Variants in BTBD3 observed in about 807,000 individuals in gnomAD.
BTBD3 encodes the protein BTB/POZ domain-containing protein 3.
In BTBD3, 14 loss-of-function variants were observed where a neutral mutation model predicts 41.6. The observed-to-expected ratio is 0.34, with a 90% confidence interval of 0.22 to 0.53. The LOEUF (loss-of-function observed/expected upper bound fraction) is 0.53, where lower values mean the gene tolerates loss of function less well. Among genes scored for constraint, BTBD3 ranks in the 20% least tolerant of loss-of-function variants. BTBD3 has a pLI of 0.95. For synonymous variants in BTBD3, 249 were observed against 233.7 expected (o/e 1.07, Z -0.60); for missense variants, 426 against 654.7 (o/e 0.65, Z 3.81).
rs2056983261 is a variant in BTBD3, at chr20:11,922,895, C to T, written c.798C>T (p.Phe266=). 6.2e-7 allele frequency: 1 copy of T among 1,614,220 alleles called. No homozygotes were observed. The highest frequency in any genetic ancestry group is 2.2e-5 in the East Asian group (1 of 44,880). The part of the protein sequence containing the change: ...LKSEGFCDID[F]QTLESILRRE... ...CTGAGGGATTCTGCGATATTGACTT[C>T]CAGACACTAGAAAGTATTCTCCGTA... The change falls in exon 4 of 4, where the codon TTC becomes TTT. Residue 266 remains phenylalanine, a synonymous_variant. Coordinates refer to ENST00000378226, the MANE Select transcript of BTBD3 (RefSeq NM_014962.4).
upstream of BTBD3, among the ~76,000 whole-genome samples, chr20:11,914,102 G>A (rs1248636813): frequency 6.6e-6 from 1 of 152,320 alleles, no homozygotes; most frequent in Admixed American, 6.5e-5. Flanking sequence ...TTCAGGAAGT[G>A]TAGAAACAAG....
At chr20:11,922,464 T>C (rs1212360017) in intron 3 of BTBD3, among the ~76,000 whole-genome samples, 170 bp from the exon 4 acceptor site, 1 of 152,200 alleles carries the variant, frequency 6.6e-6, no homozygotes, top group Non-Finnish European at 1.5e-5. Context: ...GGTTAAAATA[T>C]TAATAATTTA....
At chr20:11,897,937 C>A (rs191021202) in intron 1 of BTBD3, among the ~76,000 whole-genome samples, 192 of 152,224 alleles carry the variant, frequency 1.3e-3, no homozygotes, top group Middle Eastern at 0.01. Context: ...GTGGGCAGAT[C>A]ACTTGAGGTC....
At chr20:11,899,513 A>G (rs1255629621) in intron 1 of BTBD3, among the ~76,000 whole-genome samples, 3 of 152,170 alleles carry the variant, frequency 2.0e-5, no homozygotes, top group African/African-American at 7.2e-5. Flanking sequence ...ATGGCTCCTC[A>G]TGTCTCAGAC....
chr20:11,921,827 A>C (rs2122325196), intron 3 of BTBD3, among the ~76,000 whole-genome samples: 1 of 152,350 alleles, frequency 6.6e-6, no homozygotes, highest in South Asian at 2.1e-4. Flanking sequence ...CTTAGGTAGA[A>C]GAGAAGCAGA....
In BTBD3 at chr20:11,918,508, C is replaced by G; in HGVS notation, c.233C>G (p.Thr78Ser). ...AAAAAGCCAGCCAACTCCAGCAGCACCAGCGTCCAGCAGTACCACCAGCAG... is the reference window on the plus strand; with the variant it reads ...AAAAAGCCAGCCAACTCCAGCAGCAGCAGCGTCCAGCAGTACCACCAGCAG... ...PRKKPANSSS[T>S]SVQQYHQQNL... is the part of the protein sequence containing the mutation. The change falls in exon 1 of 4, where the codon ACC becomes AGC. Residue 78 changes from threonine to serine, a missense_variant. By Grantham distance (58) the Thr-to-Ser change is moderately conservative (BLOSUM62 1). Coordinates refer to ENST00000378226, the MANE Select transcript of BTBD3 (RefSeq NM_014962.4). 1.2e-6 allele frequency: 2 copies of G among 1,614,156 alleles called. No individual in the cohort carries two copies. Among genetic ancestry groups the G allele is most frequent in the East Asian group, 2.2e-5 (1 of 44,884 alleles).
At position 11,926,265 on chromosome 20, in the gene BTBD3, A is replaced by G. The variant is rs1399765282; in HGVS notation, c.*2599A>G. 1 of 152,658 alleles carries G rather than the reference A, an allele frequency of 6.6e-6. No individual in the cohort carries two copies. The highest frequency in any genetic ancestry group is 2.4e-5 in the African/African-American group (1 of 41,452). 9.5% of individuals were successfully genotyped at this position (152,658 alleles called of 1,614,324 possible). A position where few individuals can be genotyped will look rare whatever the true frequency, so the allele number is the denominator to read the frequency against. On this transcript the variant is annotated 3_prime_UTR_variant, in exon 4 of 4. Coordinates refer to ENST00000378226, the MANE Select transcript of BTBD3 (RefSeq NM_014962.4). ...TTCATTCTGGGGATAAAGGGGAACT[A>G]GGCTAGCAGTTCTAATGTGACATTC...
chr20:11,900,668 G>T (rs1054274280), intron 1 of BTBD3, among the ~76,000 whole-genome samples: 2 of 150,830 alleles, frequency 1.3e-5, no homozygotes, highest in African/African-American at 4.9e-5. Context: ...TGTTCATGGA[G>T]AATGTAGCAA....
chr20:11,896,168 C>A (rs1185759431), intron 1 of BTBD3, among the ~76,000 whole-genome samples: 1 of 152,168 alleles, frequency 6.6e-6, no homozygotes, highest in African/African-American at 2.4e-5. Flanking sequence ...TTTTAAGGGT[C>A]ATGAAAGATT....
Position 11,918,478 on chromosome 20 carries a change from C to T in BTBD3, c.203C>T (p.Pro68Leu). Residue 68 changes from proline (P) to leucine (L), a missense_variant, in exon 1 of 4, where the codon CCC becomes CTC. Pro to Leu is a moderately conservative substitution (Grantham distance 98). Coordinates refer to ENST00000378226, the MANE Select transcript of BTBD3 (RefSeq NM_014962.4). ...KKKKMAADIF[P>L]RKKPANSSST... ...AAGAAGATGGCTGCTGATATATTCC[C>T]CCGTAAAAAGCCAGCCAACTCCAGC... The T allele has an allele frequency of 5.6e-6, 9 of 1,614,120 alleles. No homozygotes were observed. Among genetic ancestry groups the T allele is most frequent in the Non-Finnish European group, 7.6e-6 (9 of 1,180,028 alleles).
At chr20:11,902,400 T>C (rs1246918510) in intron 1 of BTBD3, among the ~76,000 whole-genome samples, 1 of 152,204 alleles carries the variant, frequency 6.6e-6, no homozygotes, top group Non-Finnish European at 1.5e-5. Context: ...ACTTTTTTCT[T>C]GTAGTGTCTT....
At chr20:11,914,538 T>A (rs940082672), upstream of BTBD3, among the ~76,000 whole-genome samples, 1 of 152,050 alleles carries the variant, frequency 6.6e-6, no homozygotes, top group African/African-American at 2.4e-5. Context: ...TCTGAATTCT[T>A]GATAGAAAAT....
At chr20:11,908,589 G>A (rs2056870439) in intron 1 of BTBD3, among the ~76,000 whole-genome samples, 1 of 151,706 alleles carries the variant, frequency 6.6e-6, no homozygotes, top group Non-Finnish European at 1.5e-5. Flanking sequence ...TCTCTGGGCA[G>A]TTCAAGTACT....
At chr20:11,920,437 C>T (rs1310977519) in intron 3 of BTBD3, among the ~76,000 whole-genome samples, 3 of 152,144 alleles carry the variant, frequency 2.0e-5, no homozygotes, top group Admixed American at 6.5e-5. Context: ...TAGTCTCGTA[C>T]AGTTTCATGT....
At chr20:11,899,937 A>G (rs576686636) in intron 1 of BTBD3, among the ~76,000 whole-genome samples, 5 of 152,376 alleles carry the variant, frequency 3.3e-5, no homozygotes, top group African/African-American at 1.2e-4. Flanking sequence ...TAAGCCCAAT[A>G]GCTGTTACCT....
chr20:11,900,849 A>G (rs1420754875), intron 1 of BTBD3, among the ~76,000 whole-genome samples: 1 of 151,634 alleles, frequency 6.6e-6, no homozygotes, highest in Non-Finnish European at 1.5e-5. Context: ...CTGGGACTAT[A>G]GGTGCCCGCC....
intron 2 of BTBD3, 88 bp from the exon 3 acceptor site, chr20:11,919,630 C>A (rs1387817365): frequency 2.2e-6 from 3 of 1,376,368 alleles, no homozygotes; most frequent in Non-Finnish European, 3.1e-6. Flanking sequence ...GTTTACTAAA[C>A]CTGATTGCCT....
chr20:11,901,987 T>G (rs2056826411), intron 1 of BTBD3, among the ~76,000 whole-genome samples: 1 of 152,140 alleles, frequency 6.6e-6, no homozygotes, highest in African/African-American at 2.4e-5. Context: ...CTAGCTCTAG[T>G]AAAAGACTAG....
At chr20:11,902,295 G>GC in intron 1 of BTBD3, among the ~76,000 whole-genome samples, 1 of 152,168 alleles carries the variant, frequency 6.6e-6, no homozygotes, top group Admixed American at 6.5e-5. Context: ...AATATTGTAA[G>GC]TTTACATCAT....
Sources: gnomAD v4.1 joint callset for allele counts (sites outside exome capture counted in the v4.1 genomes callset) on GRCh38, gnomAD v4.1.1 for gene constraint, MANE v1.5 for transcripts, NCBI Gene and HGNC (gene_info 2026-07-23, HGNC 2026-07-21) for gene names.